SGCD: variants seen among roughly 807,000 people sequenced by gnomAD.
SGCD encodes the protein delta-sarcoglycan.
SGCD carries 18 observed loss-of-function variants against 36.6 expected under a neutral mutation model. The observed-to-expected ratio is 0.49, with a 90% CI of 0.34 to 0.73. The LOEUF is 0.73. Among genes scored for constraint, SGCD ranks in the 30% least tolerant of loss-of-function variants. The pLI is 0.01. For missense variants in SGCD, 387 were observed against 346.7 expected, an observed-to-expected ratio of 1.12 and a Z score of -0.92; for synonymous variants, 133 against 130.6, an observed-to-expected ratio of 1.02 and a Z score of -0.12.
chr5:155,801,594 G>C, the SGCD span, among the ~76,000 whole-genome samples: 1 of 152,232 alleles, frequency 6.6e-6, no homozygotes, highest in East Asian at 1.9e-4. Context: ...TAGAGAGGCA[G>C]AAGACTGAGC....
intron 1 of SGCD, among the ~76,000 whole-genome samples, chr5:155,989,714 G>A (rs943297587): frequency 1.3e-5 from 2 of 152,164 alleles, no homozygotes; most frequent in East Asian, 3.8e-4. Flanking sequence ...TCAATAAAAT[G>A]TAAATGTCCT....
intron 1 of SGCD, among the ~76,000 whole-genome samples, chr5:156,092,219 G>A (rs568342440): frequency 6.6e-6 from 1 of 152,304 alleles, no homozygotes; most frequent in East Asian, 1.9e-4. Context: ...CTGAGTCCTT[G>A]CAAATACCTT....
chr5:155,966,802 G>C (rs1285433250), intron 1 of SGCD, among the ~76,000 whole-genome samples: 5 of 152,084 alleles, frequency 3.3e-5, no homozygotes, highest in Non-Finnish European at 7.4e-5. Flanking sequence ...GCTTGTATCA[G>C]GTAGCAGATG....
At chr5:156,648,630 C>T (rs1174570171) in intron 7 of SGCD, among the ~76,000 whole-genome samples, 1 of 152,040 alleles carries the variant, frequency 6.6e-6, no homozygotes, top group African/African-American at 2.4e-5. Flanking sequence ...ATAACAAAAT[C>T]CCACATAGAG....
At chr5:156,120,416 G>A (rs774697431) in intron 2 of SGCD, among the ~76,000 whole-genome samples, 2 of 152,104 alleles carry the variant, frequency 1.3e-5, no homozygotes, top group African/African-American at 2.4e-5. Context: ...AATTTGTCAT[G>A]TCTACTCATA....
At chr5:156,527,852 G>A (rs904209514) in intron 4 of SGCD, among the ~76,000 whole-genome samples, 1 of 152,184 alleles carries the variant, frequency 6.6e-6, no homozygotes, top group Admixed American at 6.5e-5. Context: ...GGATTCCACA[G>A]ACCACAGTTT....
At chr5:156,491,544 A>G (rs1183926384) in intron 3 of SGCD, among the ~76,000 whole-genome samples, 3 of 152,184 alleles carry the variant, frequency 2.0e-5, no homozygotes, top group Non-Finnish European at 4.4e-5. Flanking sequence ...GCGTATTTGC[A>G]GCCAACAGAT....
At chr5:156,316,359 A>T (rs1022099050) in intron 3 of SGCD, among the ~76,000 whole-genome samples, 4 of 152,044 alleles carry the variant, frequency 2.6e-5, no homozygotes, top group Non-Finnish European at 5.9e-5. Flanking sequence ...GGAAGAATTA[A>T]TATTGTCAAA....
At chr5:156,235,843 TC>T (rs1765145052) in intron 3 of SGCD, among the ~76,000 whole-genome samples, 1 of 152,228 alleles carries the variant, frequency 6.6e-6, no homozygotes, top group African/African-American at 2.4e-5. Flanking sequence ...GCTCAGTCTC[TC>T]TTCTCACTTC....
At chr5:156,701,993 T>C (rs1754546407) in intron 7 of SGCD, among the ~76,000 whole-genome samples, 1 of 152,164 alleles carries the variant, frequency 6.6e-6, no homozygotes, top group Non-Finnish European at 1.5e-5. Flanking sequence ...CAGTCTTATA[T>C]TGTCAGATTA....
At chr5:156,580,302 T>A (rs2113332437) in intron 4 of SGCD, among the ~76,000 whole-genome samples, 1 of 152,366 alleles carries the variant, frequency 6.6e-6, no homozygotes, top group South Asian at 2.1e-4. Flanking sequence ...CTGTTGGGCT[T>A]CCCTTTGTGG....
chr5:156,455,437 A>G (rs572893426), intron 3 of SGCD, among the ~76,000 whole-genome samples: 1 of 113,900 alleles, frequency 8.8e-6, no homozygotes, highest in South Asian at 3.4e-4. Context: ...AAAAGGGGAG[A>G]AATTTCAAAG....
chr5:156,648,658 A>T (rs1763326894), intron 7 of SGCD, among the ~76,000 whole-genome samples: 1 of 152,156 alleles, frequency 6.6e-6, no homozygotes, highest in Non-Finnish European at 1.5e-5. Flanking sequence ...TATTTTTAAG[A>T]TTACACATCA....
intron 1 of SGCD, among the ~76,000 whole-genome samples, chr5:156,005,977 C>A (rs1388953522): frequency 6.6e-6 from 1 of 151,762 alleles, no homozygotes; most frequent in Non-Finnish European, 1.5e-5. Flanking sequence ...TTTTTTGTGG[C>A]AAATTACATA....
intron 6 of SGCD, among the ~76,000 whole-genome samples, chr5:156,607,640 C>A (rs564554158): frequency 6.6e-6 from 1 of 152,306 alleles, no homozygotes; most frequent in Non-Finnish European, 1.5e-5. Flanking sequence ...CCTCTTTGTA[C>A]CTCTGGTAGA....
At chr5:155,873,812 T>C (rs1057130448) in intron 1 of SGCD, among the ~76,000 whole-genome samples, 1 of 152,178 alleles carries the variant, frequency 6.6e-6, no homozygotes, top group African/African-American at 2.4e-5. Context: ...GGGGGAAAAG[T>C]ACTTCTAAAA....
intron 3 of SGCD, among the ~76,000 whole-genome samples, chr5:156,404,285 G>C (rs1003305935): frequency 6.6e-6 from 1 of 151,998 alleles, no homozygotes; most frequent in African/African-American, 2.4e-5. Flanking sequence ...TACTATCTTC[G>C]ATGCAGAGCT....
chr5:156,330,190 C>T (rs1230603664), intron 2 of SGCD, among the ~76,000 whole-genome samples: 2 of 152,018 alleles, frequency 1.3e-5, no homozygotes, highest in African/African-American at 4.8e-5. Flanking sequence ...TTTCTGATTT[C>T]GGATTTTCAG....
the SGCD span, among the ~76,000 whole-genome samples, chr5:155,863,053 A>C: frequency 6.6e-6 from 1 of 152,224 alleles, no homozygotes. Flanking sequence ...TGAAAGAAAC[A>C]GAAAGATAGA....
Sources: allele counts gnomAD v4.1 joint callset (sites outside exome capture counted in the v4.1 genomes callset), GRCh38; gene constraint gnomAD v4.1.1; transcripts MANE v1.5; gene names NCBI Gene and HGNC (gene_info 2026-07-23, HGNC 2026-07-21).